VPS8: variants seen among roughly 807,000 people sequenced by gnomAD.
The protein encoded by VPS8 is VPS8 subunit of CORVET complex, also known as vacuolar protein sorting-associated protein 8 homolog.
Under a neutral mutation model 216.4 loss-of-function variants are expected in VPS8, and 129 were observed. That is an observed-to-expected ratio of 0.60 (90% CI 0.52 to 0.69). The LOEUF is 0.69. Among genes scored for constraint, VPS8 ranks in the 30% least tolerant of loss-of-function variants. VPS8 has a pLI of 0.00. For missense variants in VPS8, 1,531 were observed against 1,683.5 expected, an observed-to-expected ratio of 0.91 and a Z score of 1.59; for synonymous variants, 571 against 565.4, an observed-to-expected ratio of 1.01 and a Z score of -0.14.
intron 5 of VPS8, among the ~76,000 whole-genome samples, chr3:184,838,387 GTACT>G (rs1721507619): frequency 6.6e-6 from 1 of 152,072 alleles, no homozygotes; most frequent in African/African-American, 2.4e-5. Context: ...TGACCCCATA[GTACT>G]TATAGTTTAT....
chr3:184,997,439 T>C (rs933147223), intron 44 of VPS8, among the ~76,000 whole-genome samples: 2 of 152,392 alleles, frequency 1.3e-5, no homozygotes, highest in South Asian at 2.1e-4. Flanking sequence ...GAGTAAGCAC[T>C]ATCTGAGTGT....
intron 4 of VPS8, among the ~76,000 whole-genome samples, chr3:184,833,876 G>A (rs1720515773): frequency 6.6e-6 from 1 of 152,010 alleles, no homozygotes; most frequent in South Asian, 2.1e-4. Context: ...CATTTATATG[G>A]CACTTAATTC....
At chr3:184,917,873 G>T (rs1475894239) in intron 28 of VPS8, among the ~76,000 whole-genome samples, 2 of 152,186 alleles carry the variant, frequency 1.3e-5, no homozygotes, top group African/African-American at 4.8e-5. Flanking sequence ...CAACAGAAAT[G>T]TATTTCTCAC....
chr3:184,955,753 A>G (rs940302295), intron 36 of VPS8, among the ~76,000 whole-genome samples: 6 of 150,582 alleles, frequency 4.0e-5, no homozygotes, highest in Admixed American at 6.7e-5. Flanking sequence ...AGTTCAGTTC[A>G]ATATATATTT....
intron 27 of VPS8, 54 bp downstream of exon 27, chr3:184,915,107 A>G (rs1040688893): frequency 3.9e-5 from 62 of 1,585,982 alleles, no homozygotes; most frequent in Non-Finnish European, 5.4e-5. Flanking sequence ...GTTAAGACGC[A>G]CTGAAGACAA....
At chr3:185,045,708 A>C (rs1240171006) in intron 46 of VPS8, among the ~76,000 whole-genome samples, 1 of 150,474 alleles carries the variant, frequency 6.6e-6, no homozygotes. Context: ...CTGAGGTTTC[A>C]GTGAGCTGAG....
At chr3:184,991,000 A>G (rs919597905) in intron 42 of VPS8, among the ~76,000 whole-genome samples, 4 of 151,792 alleles carry the variant, frequency 2.6e-5, no homozygotes, top group African/African-American at 9.7e-5. Flanking sequence ...TATACATTCT[A>G]TCTTTGCTGT....
intron 21 of VPS8, among the ~76,000 whole-genome samples, chr3:184,873,511 C>T (rs1369530490): frequency 6.6e-6 from 1 of 152,086 alleles, no homozygotes; most frequent in Admixed American, 6.6e-5. Context: ...TTACTATTCA[C>T]ATTTGTAAAT....
intron 44 of VPS8, 85 bp from the exon 45 acceptor site, chr3:184,999,611 T>G (rs1191389991): frequency 2.1e-6 from 3 of 1,444,750 alleles, no homozygotes; most frequent in Middle Eastern, 1.8e-4. Context: ...TTAGAGATTT[T>G]TATTGCTTCT....
chr3:184,871,220 T>TAA (rs992064499), intron 21 of VPS8, among the ~76,000 whole-genome samples: 15 of 151,542 alleles, frequency 9.9e-5, no homozygotes, highest in Admixed American at 8.5e-4. Flanking sequence ...TATATATATA[T>TAA]AAAATATGAT....
chr3:185,027,145 T>C (rs757795967), intron 46 of VPS8, among the ~76,000 whole-genome samples: 25 of 151,764 alleles, frequency 1.6e-4, no homozygotes, highest in Non-Finnish European at 3.1e-4. Context: ...CCTTGACACA[T>C]ACCATGGAAG....
At chr3:185,011,972 TG>T (rs920029307) in intron 45 of VPS8, among the ~76,000 whole-genome samples, 24 of 152,122 alleles carry the variant, frequency 1.6e-4, no homozygotes, top group Admixed American at 1.4e-3. Flanking sequence ...ATAGAATCTC[TG>T]AAGTAAAACC....
chr3:184,850,888 A>T (rs1724129334), intron 10 of VPS8, among the ~76,000 whole-genome samples: 1 of 152,260 alleles, frequency 6.6e-6, no homozygotes, highest in Non-Finnish European at 1.5e-5. Flanking sequence ...AGCATTTAGT[A>T]ACAATAAAAA....
chr3:184,852,158 A>T (rs530495777), intron 10 of VPS8, among the ~76,000 whole-genome samples: 1 of 152,302 alleles, frequency 6.6e-6, no homozygotes, highest in Non-Finnish European at 1.5e-5. Context: ...TAACCAAAGG[A>T]TCTCATTTAC....
At chr3:184,922,136 T>G (rs1738745464) in intron 29 of VPS8, among the ~76,000 whole-genome samples, 2 of 152,200 alleles carry the variant, frequency 1.3e-5, no homozygotes, top group Non-Finnish European at 2.9e-5. Flanking sequence ...AGGGTTTTCT[T>G]TCAGCCTGTC....
At chr3:184,996,819 A>C (rs1455557254) in intron 44 of VPS8, among the ~76,000 whole-genome samples, 1 of 152,242 alleles carries the variant, frequency 6.6e-6, no homozygotes, top group Non-Finnish European at 1.5e-5. Context: ...CGAGAGAGGG[A>C]GGAGCAAAGG....
At chr3:184,877,189 G>A (rs764288598) in intron 21 of VPS8, among the ~76,000 whole-genome samples, 13 of 152,174 alleles carry the variant, frequency 8.5e-5, no homozygotes, top group Non-Finnish European at 8.8e-5. Flanking sequence ...AGGTCTCAGT[G>A]TAATTGTCCC....
chr3:185,045,601 T>A (rs1487311499), intron 46 of VPS8, among the ~76,000 whole-genome samples: 2 of 152,064 alleles, frequency 1.3e-5, no homozygotes, highest in Non-Finnish European at 2.9e-5. Flanking sequence ...TGAAACCCCA[T>A]CTCTACTAAA....
rs1739316970 is a variant in VPS8, at chr3:184,924,990, C to G, written c.2574+9C>G. 6.2e-7 allele frequency: 1 copy of G among 1,611,204 alleles called. No individual in the cohort carries two copies. The highest frequency in any genetic ancestry group is 1.3e-5 in the African/African-American group (1 of 74,944). Reference sequence around the variant, plus strand: ...GAACACTTTTTGATCAGGTAAGTGTCTAGCAGTGAAAACTAAAAGGTTTTT... The same window carrying G: ...GAACACTTTTTGATCAGGTAAGTGTGTAGCAGTGAAAACTAAAAGGTTTTT... On this transcript the variant is annotated intron_variant, in intron 30 of 47. Coordinates refer to ENST00000625842, the MANE Select transcript of VPS8 (RefSeq NM_001009921.3).
Sources: gnomAD v4.1 joint callset for allele counts (sites outside exome capture counted in the v4.1 genomes callset) on GRCh38, gnomAD v4.1.1 for gene constraint, MANE v1.5 for transcripts, NCBI Gene and HGNC (gene_info 2026-07-23, HGNC 2026-07-21) for gene names.